ADGRE2: variants seen among roughly 807,000 people sequenced by gnomAD.
ADGRE2 encodes the protein CD97 antigen.
In ADGRE2, 83 loss-of-function variants were observed where a neutral mutation model predicts 100.8. The observed-to-expected ratio is 0.82, with a 90% CI of 0.69 to 0.99. The LOEUF (loss-of-function observed/expected upper bound fraction) is 0.99, where lower values mean the gene tolerates loss of function less well. ADGRE2 is among the 50% of genes least tolerant of loss of function. The pLI is 0.00. For missense variants in ADGRE2, 814 were observed against 1,035.7 expected (o/e 0.79, Z 2.94); for synonymous variants, 355 against 413.0 (o/e 0.86, Z 1.70).
At chr19:14,743,883 T>A in intron 18 of ADGRE2, 99 bp from the exon 19 acceptor site, 1 of 1,092,002 alleles carries the variant, frequency 9.2e-7, no homozygotes, top group South Asian at 1.4e-5. Flanking sequence ...CCCCTGTAGA[T>A]GATTTCTCAG....
the ADGRE2 span, among the ~76,000 whole-genome samples, chr19:14,727,280 G>A: frequency 1.3e-5 from 2 of 152,128 alleles, no homozygotes; most frequent in East Asian, 1.9e-4. Flanking sequence ...CGCCCGCCTT[G>A]GCCTCCCAAA....
chr19:14,748,466 G>A lies in ADGRE2; in HGVS notation c.2025-1504C>T, dbSNP rs530356735. Among the ~76,000 whole-genome samples the A allele has an allele frequency of 8.5e-5, 13 of 152,106 alleles. No homozygotes were observed. In the East Asian group the frequency reaches 2.1e-3, roughly 25 times the overall value. On this transcript the variant is annotated intron_variant, in intron 16 of 20. Transcript: ENST00000315576. ...TGGGATTACAGGCACCCACGACCAC[G>A]CCCAGCTAACTTTTGTATTTTTAGT... is the stretch of plus-strand genomic sequence containing the variant.
At chr19:14,729,463 ATCCT>A (rs2042654460), downstream of ADGRE2, among the ~76,000 whole-genome samples, 1 of 151,870 alleles carries the variant, frequency 6.6e-6, no homozygotes, top group African/African-American at 2.4e-5. Context: ...GGCTCAAGTG[ATCCT>A]TCCTCCTCAG....
intron 5 of ADGRE2, among the ~76,000 whole-genome samples, chr19:14,770,816 T>A (rs971412194): frequency 4.6e-5 from 7 of 151,670 alleles, no homozygotes; most frequent in Non-Finnish European, 8.8e-5. Flanking sequence ...GTAGCTGGGA[T>A]TACAGGTGCT....
chr19:14,757,230 C>A (rs2043532250), intron 11 of ADGRE2, among the ~76,000 whole-genome samples: 1 of 152,166 alleles, frequency 6.6e-6, no homozygotes. Context: ...AAAAGGCCCT[C>A]TCTAAATGGA....
At chr19:14,755,628 C>G in intron 13 of ADGRE2, 26 bp downstream of exon 13, 1 of 1,606,174 alleles carries the variant, frequency 6.2e-7, no homozygotes. Flanking sequence ...ACTATTCACC[C>G]ACCAACCAAC....
intron 11 of ADGRE2, 53 bp from the exon 12 acceptor site, chr19:14,756,398 A>C: frequency 8.5e-7 from 1 of 1,176,986 alleles, no homozygotes; most frequent in Non-Finnish European, 1.3e-6. Context: ...TCGTGCCTGC[A>C]GTGGTTGATA....
chr19:14,739,388 T>C (rs1019674444), intron 20 of ADGRE2, among the ~76,000 whole-genome samples: 28 of 152,318 alleles, frequency 1.8e-4, no homozygotes, highest in African/African-American at 6.7e-4. Flanking sequence ...GGTAGAAATA[T>C]CTGATCACAC....
chr19:14,766,618 CTG>C (rs1036756828), intron 6 of ADGRE2, among the ~76,000 whole-genome samples: 1 of 152,216 alleles, frequency 6.6e-6, no homozygotes, highest in African/African-American at 2.4e-5. Context: ...AAAAGGGAAA[CTG>C]AGTCATGGGA....
chr19:14,733,311 C>CT lies in ADGRE2; in HGVS notation c.*2924dup, dbSNP rs1359673656. The CT allele has an allele frequency of 4.1e-4, 63 of 152,208 alleles. 1 individual carries two copies. Among genetic ancestry groups the CT allele is most frequent in the Admixed American group, 3.4e-3 (52 of 15,280 alleles). 9.4% of individuals were successfully genotyped at this position (152,208 alleles called of 1,614,324 possible). A position where few individuals can be genotyped will look rare whatever the true frequency, so the allele number is the denominator to read the frequency against. The stretch of plus-strand genomic sequence containing the variant: ...TAGCCTTCTGGATTTAAGGAAATTA[C>CT]TTTTTTAAAAACTATAAGCAGCCAA... On this transcript the variant is annotated 3_prime_UTR_variant, in exon 21 of 21. Transcript: ENST00000315576.
chr19:14,742,171 G>A (rs1401532704), intron 20 of ADGRE2: 2 of 398,030 alleles, frequency 5.0e-6, no homozygotes, highest in African/African-American at 2.1e-5. Context: ...CCCTCTTAGG[G>A]CATCACCCGC....
At chr19:14,759,165 G>A (rs1202598821) in intron 11 of ADGRE2, among the ~76,000 whole-genome samples, 1 of 152,036 alleles carries the variant, frequency 6.6e-6, no homozygotes, top group Non-Finnish European at 1.5e-5. Flanking sequence ...ACACGTGGTT[G>A]ACAAAGATAA....
chr19:14,763,400 C>T (rs1599853353), intron 11 of ADGRE2, among the ~76,000 whole-genome samples: 1 of 151,952 alleles, frequency 6.6e-6, no homozygotes, highest in African/African-American at 2.4e-5. Flanking sequence ...AGAAATCATA[C>T]TTAGAGATCA....
In ADGRE2 at chr19:14,746,915, G is replaced by C. The variant is rs371200658; in HGVS notation, c.2072C>G (p.Pro691Arg). Residue 691 changes from proline (P) to arginine (R), a missense_variant, in exon 17 of 21, where the codon CCT (proline) becomes CGT (arginine). This residue lies in a region of ADGRE2 where 569 missense variants were observed against 692.7 expected (regional missense o/e 0.82). Transcript: ENST00000315576. ...ACTCACAGAGAAGATGGCGCAGACA[G>C]GTCCAAGGAAGCCCCATATAAATCC... ...EKGFIWGFLG[P>R]VCAIFSVNLV... 8.1e-6 allele frequency: 13 copies of C among 1,613,724 alleles called. No homozygotes were observed. Among genetic ancestry groups the C allele is most frequent in the Non-Finnish European group, 1.1e-5 (13 of 1,179,948 alleles).
chr19:14,728,899 G>A (rs771081721), downstream of ADGRE2, among the ~76,000 whole-genome samples: 1 of 152,194 alleles, frequency 6.6e-6, no homozygotes. Context: ...CTGCCTCCAT[G>A]TCCTTCCCCC....
intron 12 of ADGRE2, 85 bp from the exon 13 acceptor site, chr19:14,755,962 T>C (rs756164454): frequency 6.6e-5 from 77 of 1,157,940 alleles, no homozygotes; most frequent in South Asian, 3.9e-4. Flanking sequence ...CACAGAACTT[T>C]CTACTCAGAT....
chr19:14,770,669 C>CTTTTCTTTTTCTTTTTTTTTTTTTT, intron 5 of ADGRE2, among the ~76,000 whole-genome samples: 1 of 85,012 alleles, frequency 1.2e-5, no homozygotes, highest in Non-Finnish European at 2.3e-5. Context: ...TCTTTCTTTT[C>CTTTTCTTTTTCTTTTTTTTTTTTTT]TTTTTTTTTT....
chr19:14,747,885 C>T (rs570322017), intron 16 of ADGRE2, among the ~76,000 whole-genome samples: 38 of 152,170 alleles, frequency 2.5e-4, no homozygotes, highest in African/African-American at 7.2e-4. Flanking sequence ...GGATATATTA[C>T]GTTTTGTTTA....
In ADGRE2 at chr19:14,734,166, T is replaced by A. The variant is rs2042708902; in HGVS notation, c.*2070A>T. The A allele has an allele frequency of 6.6e-6, 1 of 152,174 alleles. No homozygotes were observed. The highest frequency in any genetic ancestry group is 2.4e-5 in the African/African-American group (1 of 41,416). 9.4% of individuals were successfully genotyped at this position (152,174 alleles called of 1,614,324 possible). On this transcript the variant is annotated 3_prime_UTR_variant, in exon 21 of 21. Coordinates refer to ENST00000315576, the MANE Select transcript of ADGRE2 (RefSeq NM_013447.4). ...GAATCCTAACCCTGGCTCCTGTTAG[T>A]GGGATGGCCTCAGGCAAGTCACTTA...
Sources: gnomAD v4.1 joint callset for allele counts (sites outside exome capture counted in the v4.1 genomes callset) on GRCh38, gnomAD v4.1.1 for gene constraint, gnomAD v4.1.1 regional missense constraint, MANE v1.5 for transcripts, NCBI Gene and HGNC (gene_info 2026-07-23, HGNC 2026-07-21) for gene names.